CELF2: variants seen among roughly 807,000 people sequenced by gnomAD.
The protein encoded by CELF2 is CUGBP Elav-like family member 2.
A neutral mutation model predicts 62.6 loss-of-function variants in CELF2; 8 were observed. That is an observed-to-expected ratio of 0.13 (90% CI 0.07 to 0.23). CELF2 has a LOEUF of 0.23. Ranked by LOEUF, CELF2 falls within the 10% of genes least tolerant of loss-of-function variation. The pLI is 1.00. For missense variants in CELF2, 333 were observed against 671.0 expected, an observed-to-expected ratio of 0.50 and a Z score of 5.56; for synonymous variants, 258 against 250.0, an observed-to-expected ratio of 1.03 and a Z score of -0.30.
intron 1 of CELF2, among the ~76,000 whole-genome samples, chr10:11,081,886 A>T (rs1480225528): frequency 6.6e-6 from 1 of 152,218 alleles, no homozygotes; most frequent in Non-Finnish European, 1.5e-5. Context: ...TGTCCCCATT[A>T]TATTGGTGCT....
At chr10:10,797,122 G>A (rs532773544), upstream of CELF2, among the ~76,000 whole-genome samples, 2 of 152,290 alleles carry the variant, frequency 1.3e-5, no homozygotes, top group South Asian at 4.1e-4. Context: ...AAAACTTCCT[G>A]ACAGTAAAAG....
the CELF2 span, among the ~76,000 whole-genome samples, chr10:10,585,287 G>A: frequency 6.6e-6 from 1 of 152,110 alleles, no homozygotes; most frequent in East Asian, 1.9e-4. Context: ...ATACCCCTAA[G>A]TCTGCGGACA....
At position 10,906,759 on chromosome 10, in the gene CELF2, G is replaced by A. The variant is rs1439022911; in HGVS notation, c.54-13205G>A. 3.4e-5 allele frequency among the ~76,000 whole-genome samples: 4 copies of A among 117,238 alleles called. No individual in the cohort carries two copies. In the Admixed American group the frequency reaches 4.0e-4, roughly 12 times the overall value. The allele number at this position is 117,238 out of a possible 152,430, so 76.9% of individuals were successfully genotyped here. A position where few individuals can be genotyped will look rare whatever the true frequency, so the allele number is the denominator to read the frequency against. ...TTTTGAAACGGAGTCTCACTCTGTC[G>A]CCAGGCTGTAGTGCGGGGGCGCAAT... On this transcript the variant is annotated intron_variant, in intron 1 of 13. Coordinates refer to the CELF2 transcript ENST00000636488.
At chr10:11,141,406 AGT>A (rs2061340222) in intron 1 of CELF2, among the ~76,000 whole-genome samples, 1 of 152,240 alleles carries the variant, frequency 6.6e-6, no homozygotes, top group Non-Finnish European at 1.5e-5. Flanking sequence ...GGATGGGAAG[AGT>A]GAGGCTATAA....
the CELF2 span, among the ~76,000 whole-genome samples, chr10:10,484,553 G>A: frequency 6.6e-6 from 1 of 151,178 alleles, no homozygotes; most frequent in African/African-American, 2.4e-5. Flanking sequence ...CTGGACTTAA[G>A]TGATCCACCC....
In CELF2 at chr10:11,039,911, G is replaced by C. The variant is rs2061532349; in HGVS notation, c.74+21748G>C. 6.6e-6 allele frequency among the ~76,000 whole-genome samples: 1 copy of C among 152,082 alleles called. No homozygotes were observed. Among genetic ancestry groups the C allele is most frequent in the Non-Finnish European group, 1.5e-5 (1 of 68,018 alleles). ...GGGTGGGATCTTCCTGTTTGTTTTT[G>C]TCAAGCTAATATTATTTACAAAAAC... On this transcript the variant is annotated intron_variant, in intron 1 of 12. Transcript: ENST00000633077. The surrounding 1 kb of genome is among the most constrained non-coding windows in gnomAD (Gnocchi z 4.1).
chr10:10,949,612 CA>C (rs2048080856), intron 2 of CELF2, among the ~76,000 whole-genome samples: 1 of 151,146 alleles, frequency 6.6e-6, no homozygotes, highest in South Asian at 2.1e-4. Context: ...GCCAATACAA[CA>C]AAACCCCATC....
chr10:10,761,966 G>A, the CELF2 span, among the ~76,000 whole-genome samples: 1 of 146,418 alleles, frequency 6.8e-6, no homozygotes, highest in Non-Finnish European at 1.5e-5. Flanking sequence ...AGACAGATAT[G>A]TAGATGATCT....
At chr10:10,556,027 A>C in the CELF2 span, among the ~76,000 whole-genome samples, 1 of 152,022 alleles carries the variant, frequency 6.6e-6, no homozygotes, top group East Asian at 1.9e-4. Context: ...TTTTTTCCAC[A>C]TTTTAAAATT....
chr10:11,180,939 G>A (rs943409443), intron 2 of CELF2, among the ~76,000 whole-genome samples: 5 of 152,180 alleles, frequency 3.3e-5, no homozygotes, highest in South Asian at 2.1e-4. Flanking sequence ...ACGCGATCTC[G>A]GCTCACTGCA....
At chr10:10,625,838 C>T in the CELF2 span, among the ~76,000 whole-genome samples, 5 of 152,288 alleles carry the variant, frequency 3.3e-5, no homozygotes, top group South Asian at 1.0e-3. Flanking sequence ...GGCCTCTATG[C>T]ACCAGCACGA....
chr10:11,179,317 A>G (rs190875909), intron 2 of CELF2, among the ~76,000 whole-genome samples: 21 of 152,348 alleles, frequency 1.4e-4, no homozygotes, highest in Admixed American at 6.5e-5. Flanking sequence ...CACACTTTGA[A>G]AATCTTTTAG....
intron 1 of CELF2, among the ~76,000 whole-genome samples, chr10:11,067,762 G>T (rs2068558779): frequency 6.6e-6 from 1 of 152,210 alleles, no homozygotes; most frequent in South Asian, 2.1e-4. Context: ...GTTAGAGTCA[G>T]ATCAGGCATG....
At chr10:10,615,672 G>C in the CELF2 span, among the ~76,000 whole-genome samples, 30 of 152,002 alleles carry the variant, frequency 2.0e-4, no homozygotes, top group Non-Finnish European at 3.1e-4. Flanking sequence ...CACAAGATCT[G>C]GTTGTTTAAA....
chr10:10,607,233 G>T, the CELF2 span, among the ~76,000 whole-genome samples: 18 of 152,142 alleles, frequency 1.2e-4, no homozygotes, highest in African/African-American at 4.3e-4. Context: ...GCTCTTTGGT[G>T]CACCTCATCA....
At chr10:10,791,975 G>A in the CELF2 span, among the ~76,000 whole-genome samples, 3 of 132,198 alleles carry the variant, frequency 2.3e-5, no homozygotes, top group African/African-American at 5.7e-5. Context: ...GAAGGGAATC[G>A]AAGGGAGAAG....
intron 2 of CELF2, among the ~76,000 whole-genome samples, chr10:10,961,964 C>T (rs2049555451): frequency 6.6e-6 from 1 of 151,766 alleles, no homozygotes; most frequent in Non-Finnish European, 1.5e-5. Flanking sequence ...TGCGGTGACT[C>T]ATGCTTGTAA....
chr10:10,781,968 A>G, the CELF2 span, among the ~76,000 whole-genome samples: 1 of 152,252 alleles, frequency 6.6e-6, no homozygotes, highest in African/African-American at 2.4e-5. Flanking sequence ...GCAATACAGT[A>G]TAACAACTAT....
intron 1 of CELF2, among the ~76,000 whole-genome samples, chr10:11,095,879 T>G (rs2049715391): frequency 6.6e-6 from 1 of 152,182 alleles, no homozygotes; most frequent in African/African-American, 2.4e-5. Flanking sequence ...AAGGATGCAT[T>G]TATTTTAGCT....
Sources: gnomAD v4.1 joint callset for allele counts (sites outside exome capture counted in the v4.1 genomes callset) on GRCh38, gnomAD v4.1.1 for gene constraint, Gnocchi (gnomAD v3.1) non-coding constraint, MANE v1.5 for transcripts, NCBI Gene and HGNC (gene_info 2026-07-23, HGNC 2026-07-21) for gene names.